CMIP: variants seen among roughly 807,000 people sequenced by gnomAD.
The protein encoded by CMIP is C-Maf-inducing protein.
Under a neutral mutation model 97.3 loss-of-function variants are expected in CMIP, and 13 were observed. The observed-to-expected ratio is 0.13, with a 90% CI of 0.09 to 0.21. The LOEUF (loss-of-function observed/expected upper bound fraction) is 0.21, where lower values mean the gene tolerates loss of function less well. CMIP is among the 10% of genes least tolerant of loss of function. The probability of loss-of-function intolerance (pLI) is 1.00; values close to 1 mark genes in which losing one functional copy is unlikely to be tolerated. For synonymous variants in CMIP, 538 were observed against 436.3 expected (o/e 1.23, Z -2.91); for missense variants, 847 against 1,024.9 (o/e 0.83, Z 2.37).
Position 81,710,294 on chromosome 16 carries a change from T to C in CMIP, c.*495T>C, listed in dbSNP as rs1438542409. On this transcript the variant is annotated 3_prime_UTR_variant, in exon 21 of 21. Transcript: ENST00000537098. ...CTGCACCCGTCCTGTGTCCTCACCATTGCTATGCAAAGTGATTCTTGTTGT... is the reference window on the plus strand; with the variant it reads ...CTGCACCCGTCCTGTGTCCTCACCACTGCTATGCAAAGTGATTCTTGTTGT... 2 of 164,168 alleles carry C rather than the reference T, an allele frequency of 1.2e-5. No individual in the cohort carries two copies. The highest frequency in any genetic ancestry group is 2.7e-5 in the Non-Finnish European group (2 of 74,210). The allele number at this position is 164,168 out of a possible 1,614,324, so 10.2% of individuals were successfully genotyped here.
intron 17 of CMIP, chr16:81,703,722 C>A: frequency 1.7e-6 from 1 of 594,940 alleles, no homozygotes; most frequent in Non-Finnish European, 2.9e-6. Flanking sequence ...CGCCTGGCAG[C>A]TGTCGTCCAT....
chr16:81,547,464 T>A (rs528849697), intron 1 of CMIP, among the ~76,000 whole-genome samples: 21 of 151,976 alleles, frequency 1.4e-4, no homozygotes, highest in South Asian at 4.2e-4. Context: ...GAGCAGAGGG[T>A]CCCAAAGCCA....
chr16:81,625,122 C>CT (rs1223587095), intron 3 of CMIP, among the ~76,000 whole-genome samples: 3 of 152,244 alleles, frequency 2.0e-5, no homozygotes, highest in African/African-American at 7.2e-5. Context: ...ATCTTTGCCT[C>CT]TTTCTCTGAG....
At chr16:81,451,842 C>T (rs1289331505) in intron 1 of CMIP, among the ~76,000 whole-genome samples, 1 of 152,198 alleles carries the variant, frequency 6.6e-6, no homozygotes, top group African/African-American at 2.4e-5. Context: ...CCAGGCCACC[C>T]AGCCCCATGG....
chr16:81,446,641 T>A (rs1052306491), intron 1 of CMIP, among the ~76,000 whole-genome samples: 3 of 152,018 alleles, frequency 2.0e-5, no homozygotes, highest in Admixed American at 6.6e-5. Flanking sequence ...GGGGGCCGAA[T>A]CCACTGCCTG....
At chr16:81,632,587 A>C (rs544247279) in intron 3 of CMIP, among the ~76,000 whole-genome samples, 49 of 152,190 alleles carry the variant, frequency 3.2e-4, no homozygotes, top group Non-Finnish European at 5.3e-4. Context: ...TGAGTTTCTG[A>C]CAGGAAGGAG....
At chr16:81,607,539 AT>A (rs2091764335) in intron 1 of CMIP, 27 bp from the exon 2 acceptor site, 1 of 1,611,602 alleles carries the variant, frequency 6.2e-7, no homozygotes, top group Admixed American at 1.7e-5. Flanking sequence ...ACCAATGCAT[AT>A]CTCTTCTTTT....
chr16:81,570,354 G>A (rs1256748427), intron 1 of CMIP, among the ~76,000 whole-genome samples: 3 of 152,302 alleles, frequency 2.0e-5, no homozygotes, highest in Admixed American at 6.5e-5. Context: ...GATGGCTGTC[G>A]TGGGGCCAGT....
At chr16:81,608,614 C>T (rs748280985) in intron 2 of CMIP, among the ~76,000 whole-genome samples, 3 of 152,102 alleles carry the variant, frequency 2.0e-5, no homozygotes, top group Non-Finnish European at 4.4e-5. Context: ...CAGGCAAGGC[C>T]CAGGTCTCGG....
chr16:81,706,317 G>A (rs1908132498), intron 19 of CMIP, among the ~76,000 whole-genome samples: 1 of 152,218 alleles, frequency 6.6e-6, no homozygotes, highest in African/African-American at 2.4e-5. Context: ...ATTTGTGGGA[G>A]TTGGCCAAGG....
chr16:81,462,233 A>T (rs1906939283), intron 1 of CMIP, among the ~76,000 whole-genome samples: 1 of 152,176 alleles, frequency 6.6e-6, no homozygotes, highest in Admixed American at 6.5e-5. Flanking sequence ...TCCCTGCTGA[A>T]TGGATGTTCT....
At chr16:81,573,237 G>A (rs1365776870) in intron 1 of CMIP, among the ~76,000 whole-genome samples, 1 of 152,066 alleles carries the variant, frequency 6.6e-6, no homozygotes, top group Non-Finnish European at 1.5e-5. Context: ...CCAACTGTTC[G>A]GGAGGGTGAG....
At chr16:81,585,440 C>T (rs900119429) in intron 1 of CMIP, among the ~76,000 whole-genome samples, 3 of 152,156 alleles carry the variant, frequency 2.0e-5, no homozygotes, top group Non-Finnish European at 2.9e-5. Context: ...TTCTCATCAC[C>T]TCAAAAGGAA....
Position 81,528,827 on chromosome 16 carries a change from A to G in CMIP, c.301-78740A>G, listed in dbSNP as rs73594496. The stretch of plus-strand genomic sequence containing the variant: ...CCCTGCTTTACTGCCATCATCATCT[A>G]TCTCCTTGCTTTCACTCAACAAATA... On this transcript the variant is annotated intron_variant, in intron 1 of 20. Transcript: ENST00000537098. Among the ~76,000 whole-genome samples, 1,217 of 152,198 alleles carry G rather than the reference A, an allele frequency of 8.0e-3. 14 individuals are homozygous for G. Among genetic ancestry groups the G allele is most frequent in the African/African-American group, 0.028 (1,144 of 41,524 alleles).
At chr16:81,544,795 A>G (rs560815292) in intron 1 of CMIP, among the ~76,000 whole-genome samples, 66 of 151,462 alleles carry the variant, frequency 4.4e-4, no homozygotes, top group African/African-American at 1.5e-3. Context: ...GTGTGTGGAG[A>G]GGGTGTATGT....
intron 14 of CMIP, chr16:81,697,018 C>A: frequency 3.5e-6 from 1 of 283,294 alleles, no homozygotes; most frequent in Non-Finnish European, 6.7e-6. Flanking sequence ...GGTTATGTTC[C>A]TACAAGAAAT....
rs1384619229 is a variant in CMIP, at chr16:81,614,040, G to A, written c.426+6348G>A. ...AGGCGATTCCAGGACAGTGTGATGC[G>A]TTAGGCGAGGCATTCTGGCCTGGTT... On this transcript the variant is annotated intron_variant, in intron 2 of 20. Coordinates refer to ENST00000537098, the MANE Select transcript of CMIP (RefSeq NM_198390.3). This position sits in a 1 kb window ranked among gnomAD's most constrained non-coding sequence, Gnocchi z 5.3. Among the ~76,000 whole-genome samples, 9 of 152,338 alleles carry A rather than the reference G, an allele frequency of 5.9e-5. No individual in the cohort carries two copies. Among genetic ancestry groups the A allele is most frequent in the South Asian group, 2.1e-4 (1 of 4,826 alleles).
intron 1 of CMIP, among the ~76,000 whole-genome samples, chr16:81,510,493 G>C (rs950313182): frequency 1.3e-5 from 2 of 152,102 alleles, no homozygotes; most frequent in African/African-American, 4.8e-5. Flanking sequence ...CCCTGTTTAG[G>C]AGGTGAGTAA....
Position 81,494,747 on chromosome 16 carries a change from G to A in CMIP, c.300+49206G>A, listed in dbSNP as rs539173049. 1.5e-4 allele frequency among the ~76,000 whole-genome samples: 23 copies of A among 152,328 alleles called. 1 individual carries two copies. The highest frequency in any genetic ancestry group is 1.4e-3 in the Admixed American group (21 of 15,308). ...CTCTTTCGACTCCTGGATGGACACTGCCCAGGTGCCCCTGGGTAACTGATA... is the reference window on the plus strand; with the variant it reads ...CTCTTTCGACTCCTGGATGGACACTACCCAGGTGCCCCTGGGTAACTGATA... On this transcript the variant is annotated intron_variant, in intron 1 of 20. Transcript: ENST00000537098.
Sources: gnomAD v4.1 joint callset for allele counts (sites outside exome capture counted in the v4.1 genomes callset) on GRCh38, gnomAD v4.1.1 for gene constraint, Gnocchi (gnomAD v3.1) non-coding constraint, MANE v1.5 for transcripts, NCBI Gene and HGNC (gene_info 2026-07-23, HGNC 2026-07-21) for gene names.